The following ASIP variants were observed in gnomAD, a reference collection of about 807,000 sequenced individuals.
ASIP encodes agouti signaling protein.
In ASIP, 11 loss-of-function variants were observed where a neutral mutation model predicts 10.3. The ratio of observed to expected loss-of-function variants is 1.07; its 90% CI spans 0.68 to 1.78. The LOEUF is 1.78. ASIP is among the 40% of genes most tolerant of loss of function. ASIP has a pLI of 0.00. For missense variants in ASIP, 180 were observed against 169.2 expected, an observed-to-expected ratio of 1.06 and a Z score of -0.35; for synonymous variants, 70 against 70.8, an observed-to-expected ratio of 0.99 and a Z score of 0.06.
At chr20:34,222,687 G>C (rs2035056687) in intron 1 of ASIP, among the ~76,000 whole-genome samples, 1 of 151,946 alleles carries the variant, frequency 6.6e-6, no homozygotes, top group South Asian at 2.1e-4. Context: ...CTCTCATGCG[G>C]AGCTGAAGCT....
intron 1 of ASIP, among the ~76,000 whole-genome samples, chr20:34,212,497 C>G (rs2034981100): frequency 6.6e-6 from 1 of 152,142 alleles, no homozygotes; most frequent in African/African-American, 2.4e-5. Context: ...AACCATGGTA[C>G]AGTTATCACT....
intron 1 of ASIP, among the ~76,000 whole-genome samples, chr20:34,254,085 CAG>C (rs2035529503): frequency 1.3e-5 from 2 of 151,406 alleles, no homozygotes; most frequent in South Asian, 4.2e-4. Flanking sequence ...TTTTTTGAGA[CAG>C]AGTCTTACTC....
chr20:34,213,875 C>T (rs1243906977), intron 1 of ASIP: 1 of 1,565,466 alleles, frequency 6.4e-7, no homozygotes, highest in Non-Finnish European at 8.8e-7. Context: ...TTGCTGAAAG[C>T]TTTACTAGTT....
intron 1 of ASIP, among the ~76,000 whole-genome samples, chr20:34,212,224 TAAAGA>T (rs151087525): frequency 0.017 from 2,541 of 152,276 alleles, 76 homozygotes; most frequent in African/African-American, 0.057. Context: ...TTTCATAACG[TAAAGA>T]AAAGTTACAA....
At position 34,258,700 on chromosome 20, in the gene ASIP, A is replaced by ATATATATATATATACATACACACATAC. The variant is rs1555826880; in HGVS notation, c.-10-1656_-10-1655insATATACATACACACATACTATATATAT. Among the ~76,000 whole-genome samples the ATATATATATATATACATACACACATAC allele has an allele frequency of 6.4e-5, 5 of 77,922 alleles. 1 individual carries two copies. The highest frequency in any genetic ancestry group is 9.3e-5 in the African/African-American group (2 of 21,532). 51.1% of individuals were successfully genotyped at this position (77,922 alleles called of 152,430 possible). A position where few individuals can be genotyped will look rare whatever the true frequency, so the allele number is the denominator to read the frequency against. ...ATATATATATATATATACATACTAT[A>ATATATATATATATACATACACACATAC]TATATATATTATATATATTATAAAA... is the stretch of plus-strand genomic sequence containing the variant. On this transcript the variant is annotated intron_variant, in intron 1 of 3. Coordinates refer to ENST00000374954, the MANE Select transcript of ASIP (RefSeq NM_001672.3).
chr20:34,233,440 C>T (rs1331242450), intron 1 of ASIP, among the ~76,000 whole-genome samples: 1 of 152,128 alleles, frequency 6.6e-6, no homozygotes, highest in Non-Finnish European at 1.5e-5. Flanking sequence ...AGCCACCGCG[C>T]CCGGCCCACA....
chr20:34,222,594 C>T (rs1435885876), intron 1 of ASIP, among the ~76,000 whole-genome samples: 2 of 152,156 alleles, frequency 1.3e-5, no homozygotes, highest in African/African-American at 4.8e-5. Flanking sequence ...GAATCTTTAA[C>T]AAGCTCTAAG....
chr20:34,221,317 A>C (rs1275802358), intron 1 of ASIP, among the ~76,000 whole-genome samples: 1 of 151,926 alleles, frequency 6.6e-6, no homozygotes, highest in Non-Finnish European at 1.5e-5. Flanking sequence ...GGCGGAGCTT[A>C]AGGTGAGCCG....
At chr20:34,210,458 G>GC (rs2034967235) in intron 1 of ASIP, among the ~76,000 whole-genome samples, 2 of 152,222 alleles carry the variant, frequency 1.3e-5, no homozygotes, top group African/African-American at 4.8e-5. Flanking sequence ...GGAGCTGCCT[G>GC]CCCCACAGCA....
chr20:34,191,277 G>T (rs1375511465), upstream of ASIP, among the ~76,000 whole-genome samples: 1 of 152,124 alleles, frequency 6.6e-6, no homozygotes, highest in Non-Finnish European at 1.5e-5. Flanking sequence ...CACATACTGG[G>T]GGGAAGATGT....
intron 1 of ASIP, among the ~76,000 whole-genome samples, chr20:34,220,407 G>A (rs1321326514): frequency 6.6e-6 from 1 of 152,096 alleles, no homozygotes; most frequent in African/African-American, 2.4e-5. Flanking sequence ...GACCAGCCTG[G>A]GCAACATGAT....
chr20:34,192,541 A>G (rs1304014804), upstream of ASIP, among the ~76,000 whole-genome samples: 1 of 136,340 alleles, frequency 7.3e-6, no homozygotes, highest in Non-Finnish European at 1.5e-5. Context: ...TTTTCCTGAG[A>G]TGAGAGAAAG....
intron 1 of ASIP, chr20:34,234,860 C>T (rs1317395447): frequency 6.6e-6 from 1 of 152,186 alleles, no homozygotes; most frequent in Non-Finnish European, 1.5e-5. Context: ...AACAGTATGT[C>T]ATGTTATACC....
upstream of ASIP, among the ~76,000 whole-genome samples, chr20:34,237,375 C>T (rs991980480): frequency 1.3e-5 from 2 of 152,172 alleles, no homozygotes; most frequent in Admixed American, 6.5e-5. Context: ...TCATTGTACA[C>T]ATCTTTCACC....
chr20:34,211,060 C>T (rs937057348), intron 1 of ASIP, among the ~76,000 whole-genome samples: 2 of 152,150 alleles, frequency 1.3e-5, no homozygotes, highest in East Asian at 1.9e-4. Context: ...CTTGCTCTGT[C>T]ATCCAGGCTG....
intron 1 of ASIP, among the ~76,000 whole-genome samples, chr20:34,248,891 C>A (rs112567083): frequency 4.0e-5 from 6 of 150,570 alleles, no homozygotes; most frequent in African/African-American, 1.2e-4. Context: ...ATTCAACGTT[C>A]GAAGAGAACT....
intron 1 of ASIP, among the ~76,000 whole-genome samples, chr20:34,201,058 T>TTCTTTCTTTCTTTC (rs1568744590): frequency 9.8e-5 from 10 of 102,010 alleles, no homozygotes; most frequent in Non-Finnish European, 1.8e-4. Flanking sequence ...CTTTCTTTCT[T>TTCTTTCTTTCTTTC]TCTTTTTTTT....
chr20:34,206,094 G>C (rs1200978764), intron 1 of ASIP, among the ~76,000 whole-genome samples: 3 of 152,172 alleles, frequency 2.0e-5, no homozygotes, highest in Non-Finnish European at 4.4e-5. Context: ...CCAGGTTCAA[G>C]CAATTCTCCT....
chr20:34,236,651 A>C (rs2035215073), upstream of ASIP, among the ~76,000 whole-genome samples: 1 of 152,130 alleles, frequency 6.6e-6, no homozygotes, highest in South Asian at 2.1e-4. Flanking sequence ...AGGAGTTTGA[A>C]ACCAGCCTAG....
Sources: allele counts gnomAD v4.1 joint callset (sites outside exome capture counted in the v4.1 genomes callset), GRCh38; gene constraint gnomAD v4.1.1; transcripts MANE v1.5; gene names NCBI Gene and HGNC (gene_info 2026-07-23, HGNC 2026-07-21).